INPP4A: variants seen among roughly 807,000 people sequenced by gnomAD.
The protein encoded by INPP4A is inositol polyphosphate-4-phosphatase type I A, also known as inositol polyphosphate-4-phosphatase, type I, 107kD.
A neutral mutation model predicts 119.8 loss-of-function variants in INPP4A; 33 were observed. The observed-to-expected ratio is 0.28, with a 90% confidence interval of 0.21 to 0.37. The LOEUF (loss-of-function observed/expected upper bound fraction) is 0.37, where lower values mean the gene tolerates loss of function less well. Ranked by LOEUF, INPP4A falls within the 10% of genes least tolerant of loss-of-function variation. The pLI is 1.00. For missense variants in INPP4A, 956 were observed against 1,289.9 expected (o/e 0.74, Z 3.97); for synonymous variants, 496 against 500.7 (o/e 0.99, Z 0.12).
At chr2:98,472,699 T>C (rs919272792) in intron 1 of INPP4A, among the ~76,000 whole-genome samples, 4 of 152,172 alleles carry the variant, frequency 2.6e-5, no homozygotes, top group Admixed American at 6.5e-5. Context: ...GCATCCTCAG[T>C]AGGAAGCATC....
At chr2:98,581,445 C>A in intron 24 of INPP4A, 4 of 893,164 alleles carry the variant, frequency 4.5e-6, no homozygotes, top group Non-Finnish European at 6.4e-6. Context: ...TTTTTTTTAA[C>A]CTTATCTTTT....
chr2:98,471,010 T>C (rs1482056878), intron 1 of INPP4A, among the ~76,000 whole-genome samples: 1 of 152,240 alleles, frequency 6.6e-6, no homozygotes, highest in African/African-American at 2.4e-5. Flanking sequence ...CTTCTCTGAA[T>C]AGGTTTCAGT....
rs748966657 is a variant in INPP4A, at chr2:98,564,659, G to C, written c.2048G>C (p.Gly683Ala). The C allele has an allele frequency of 1.2e-6, 2 of 1,613,428 alleles. No homozygotes were observed. Among genetic ancestry groups the C allele is most frequent in the Non-Finnish European group, 1.7e-6 (2 of 1,179,762 alleles). Residue 683 changes from glycine (G) to alanine (A), a missense_variant, in exon 19 of 25, where the codon GGC becomes GCC. Around this residue, in one of 2 missense-constraint regions of INPP4A, gnomAD observed 304 missense variants for 492.1 expected, o/e 0.62. Coordinates refer to ENST00000409851, the MANE Select transcript of INPP4A (RefSeq NM_001134225.2). ...CCACAGCTGACCGCCCTCATCTGCGGCTTCATCATTAAGCTGAGGAACTGC... is the reference window on the plus strand; with the variant it reads ...CCACAGCTGACCGCCCTCATCTGCGCCTTCATCATTAAGCTGAGGAACTGC... ...FCQTLTALIC[G>A]FIIKLRNCLH...
chr2:98,481,897 C>G (rs961332220), intron 1 of INPP4A, among the ~76,000 whole-genome samples: 3 of 152,224 alleles, frequency 2.0e-5, no homozygotes, highest in African/African-American at 4.8e-5. Context: ...AGCACCTTTG[C>G]CTCTCCTTCT....
intron 1 of INPP4A, among the ~76,000 whole-genome samples, chr2:98,473,742 G>C (rs1486685611): frequency 1.3e-5 from 2 of 152,158 alleles, no homozygotes; most frequent in African/African-American, 4.8e-5. Flanking sequence ...TTAAAAAGTG[G>C]ATCCAGGCCT....
chr2:98,458,220 T>C (rs535661710), intron 1 of INPP4A, among the ~76,000 whole-genome samples: 1 of 152,206 alleles, frequency 6.6e-6, no homozygotes, highest in South Asian at 2.1e-4. Context: ...CACACACATC[T>C]GTAGTCCCAG....
At chr2:98,532,434 T>C (rs1312631424) in intron 4 of INPP4A, among the ~76,000 whole-genome samples, 1 of 152,230 alleles carries the variant, frequency 6.6e-6, no homozygotes, top group African/African-American at 2.4e-5. Context: ...ATAAAATTTA[T>C]TATTTTAACC....
chr2:98,495,167 A>T (rs1254964029), intron 1 of INPP4A, among the ~76,000 whole-genome samples: 1 of 152,238 alleles, frequency 6.6e-6, no homozygotes, highest in Admixed American at 6.5e-5. Context: ...ACACAAAATT[A>T]TAAGATATGC....
Position 98,555,635 on chromosome 2 carries a change from A to G in INPP4A, c.1649A>G (p.His550Arg). Residue 550 changes from histidine (H) to arginine (R), a missense_variant, in exon 16 of 25, where the codon CAT (histidine) becomes CGT (arginine). His to Arg is a conservative substitution (Grantham distance 29, BLOSUM62 0). This residue lies in a region of INPP4A where 652 missense variants were observed against 797.9 expected (regional missense o/e 0.82). Transcript: ENST00000409851. The part of the protein sequence containing the change: ...VDKLLQKERL[H>R]GEGCEDVFPC... ...AAGCTGCTGCAGAAGGAGCGGCTGC[A>G]TGGCGAGGGCTGTGAGGATGTCTTC... The G allele has an allele frequency of 2.5e-6, 4 of 1,613,998 alleles. No individual in the cohort carries two copies. The highest frequency in any genetic ancestry group is 2.5e-6 in the Non-Finnish European group (3 of 1,179,886).
intron 1 of INPP4A, among the ~76,000 whole-genome samples, chr2:98,516,003 T>G (rs562881648): frequency 2.0e-5 from 3 of 152,296 alleles, no homozygotes; most frequent in East Asian, 3.9e-4. Context: ...GGTTATTGCT[T>G]CTTTTTTCTT....
chr2:98,458,702 G>A (rs1414508161), intron 1 of INPP4A, among the ~76,000 whole-genome samples: 1 of 152,174 alleles, frequency 6.6e-6, no homozygotes, highest in African/African-American at 2.4e-5. Flanking sequence ...CAATGAATGG[G>A]ATGCTGCACA....
chr2:98,587,636 A>C lies in INPP4A; in HGVS notation c.*28A>C. 1 of 1,570,136 alleles carries C rather than the reference A, an allele frequency of 6.4e-7. No homozygotes were observed. The highest frequency in any genetic ancestry group is 8.6e-7 in the Non-Finnish European group (1 of 1,160,534). On this transcript the variant is annotated 3_prime_UTR_variant, in exon 25 of 25. Transcript: ENST00000409851. The stretch of plus-strand genomic sequence containing the variant: ...ACACGGTTTCCTCTAATTAGCTGTT[A>C]CATAATAAATGTGGGTACCCTCTAG...
At chr2:98,448,557 C>T (rs1276662118) in intron 1 of INPP4A, among the ~76,000 whole-genome samples, 8 of 152,018 alleles carry the variant, frequency 5.3e-5, no homozygotes, top group Middle Eastern at 3.2e-3. Flanking sequence ...TTGTATTTCA[C>T]GACATAGACA....
intron 1 of INPP4A, among the ~76,000 whole-genome samples, chr2:98,464,436 G>A (rs1419815788): frequency 1.3e-5 from 2 of 152,124 alleles, no homozygotes; most frequent in Admixed American, 1.3e-4. Flanking sequence ...AAGGGCTGAA[G>A]AAACAAAAAG....
At chr2:98,555,840 C>T (rs1694381439) in intron 16 of INPP4A, 32 bp downstream of exon 16, 1 of 1,529,622 alleles carries the variant, frequency 6.5e-7, no homozygotes. Context: ...CCATATGCTG[C>T]CTCCATTTCA....
rs540092837 is a variant in INPP4A at position 98,579,358 on chromosome 2, A to G, written c.2786+2215A>G. ...GAGCCACCATGCCCAGCCGCATTTT[A>G]CACACTATAATTTATCCAATTTGCT... On this transcript the variant is annotated intron_variant, in intron 24 of 24. Transcript: ENST00000409851. Among the ~76,000 whole-genome samples, 48 of 152,304 alleles carry G rather than the reference A, an allele frequency of 3.2e-4. 1 individual carries two copies. The highest frequency in any genetic ancestry group is 2.9e-3 in the Admixed American group (44 of 15,308).
intron 13 of INPP4A, among the ~76,000 whole-genome samples, chr2:98,550,314 A>G (rs1362889973): frequency 6.6e-6 from 1 of 152,098 alleles, no homozygotes; most frequent in Non-Finnish European, 1.5e-5. Flanking sequence ...GCTAAATCCC[A>G]GGCAGAGAGG....
chr2:98,501,930 A>G (rs1340520724), intron 1 of INPP4A, among the ~76,000 whole-genome samples: 1 of 152,196 alleles, frequency 6.6e-6, no homozygotes. Flanking sequence ...GTTCAGCAGC[A>G]TTAGTGTTAG....
chr2:98,522,850 C>T (rs1277717543), intron 4 of INPP4A, among the ~76,000 whole-genome samples: 1 of 152,092 alleles, frequency 6.6e-6, no homozygotes, highest in African/African-American at 2.4e-5. Flanking sequence ...AACTTGAAGA[C>T]AGTGAGACAA....
Sources: gnomAD v4.1 joint callset for allele counts (sites outside exome capture counted in the v4.1 genomes callset) on GRCh38, gnomAD v4.1.1 for gene constraint, gnomAD v4.1.1 regional missense constraint, MANE v1.5 for transcripts, NCBI Gene and HGNC (gene_info 2026-07-23, HGNC 2026-07-21) for gene names.